Variants in ATP6V0E1 observed in about 807,000 individuals in gnomAD.
ATP6V0E1 encodes ATPase H+ transporting V0 subunit e1.
A neutral mutation model predicts 11.6 loss-of-function variants in ATP6V0E1; 4 were observed. The observed-to-expected ratio is 0.35, with a 90% CI of 0.17 to 0.79. ATP6V0E1 has a LOEUF of 0.79. Among genes scored for constraint, ATP6V0E1 ranks in the 30% least tolerant of loss-of-function variants. The pLI is 0.54. For synonymous variants in ATP6V0E1, 36 were observed against 34.8 expected, an observed-to-expected ratio of 1.04 and a Z score of -0.13; for missense variants, 105 against 100.0, an observed-to-expected ratio of 1.05 and a Z score of -0.21.
intron 2 of ATP6V0E1, among the ~76,000 whole-genome samples, chr5:173,019,306 A>C (rs1756446170): frequency 6.6e-6 from 1 of 152,150 alleles, no homozygotes; most frequent in African/African-American, 2.4e-5. Flanking sequence ...CTGTAATCCC[A>C]GCACTTTGGG....
chr5:173,030,558 A>G (rs970721420), intron 3 of ATP6V0E1, among the ~76,000 whole-genome samples: 2 of 150,984 alleles, frequency 1.3e-5, no homozygotes, highest in African/African-American at 4.9e-5. Flanking sequence ...CTCGTGCCTC[A>G]GCCTCCCGAG....
chr5:172,992,616 A>G (rs1756000972), intron 1 of ATP6V0E1, among the ~76,000 whole-genome samples: 1 of 151,986 alleles, frequency 6.6e-6, no homozygotes, highest in Admixed American at 6.6e-5. Flanking sequence ...CTAAAATTGC[A>G]ACCACAATCT....
chr5:173,012,133 G>C (rs1035803062), intron 2 of ATP6V0E1, among the ~76,000 whole-genome samples: 1 of 151,040 alleles, frequency 6.6e-6, no homozygotes, highest in Non-Finnish European at 1.5e-5. Flanking sequence ...CCAGGTTCAA[G>C]TGATTCTCCT....
At chr5:172,989,884 GA>G (rs1460770122) in intron 1 of ATP6V0E1, among the ~76,000 whole-genome samples, 1 of 152,084 alleles carries the variant, frequency 6.6e-6, no homozygotes, top group Non-Finnish European at 1.5e-5. Context: ...GCCCAGGCTG[GA>G]GTGCAGTGGC....
chr5:172,987,821 C>T (rs1364285891), intron 1 of ATP6V0E1, among the ~76,000 whole-genome samples: 2 of 152,018 alleles, frequency 1.3e-5, no homozygotes, highest in Admixed American at 6.6e-5. Context: ...TCAAGGGATC[C>T]GTCCACCTCA....
chr5:173,033,845 G>GA (rs1222958925), intron 3 of ATP6V0E1, among the ~76,000 whole-genome samples: 13 of 151,536 alleles, frequency 8.6e-5, no homozygotes, highest in East Asian at 3.9e-4. Context: ...CCCTGTGTCC[G>GA]AAAAAAACAA....
intron 2 of ATP6V0E1, among the ~76,000 whole-genome samples, chr5:172,996,777 T>C (rs73803693): frequency 0.04 from 6,086 of 152,150 alleles, 392 homozygotes; most frequent in African/African-American, 0.14. Context: ...ACAGAAGACA[T>C]ACAAGGTGAT....
At chr5:172,988,500 G>A (rs1434758734) in intron 1 of ATP6V0E1, among the ~76,000 whole-genome samples, 1 of 151,760 alleles carries the variant, frequency 6.6e-6, no homozygotes, top group African/African-American at 2.4e-5. Flanking sequence ...GGAAATACTA[G>A]TGCACAATTT....
intron 1 of ATP6V0E1, among the ~76,000 whole-genome samples, chr5:172,991,052 C>T (rs1376646470): frequency 6.6e-6 from 1 of 152,034 alleles, no homozygotes; most frequent in African/African-American, 2.4e-5. Flanking sequence ...ATCCTGGGCT[C>T]TAGTGATCCT....
intron 2 of ATP6V0E1, among the ~76,000 whole-genome samples, chr5:173,007,432 C>T (rs1310141768): frequency 1.3e-5 from 2 of 152,188 alleles, no homozygotes; most frequent in Non-Finnish European, 2.9e-5. Context: ...TCATTCCTGG[C>T]CATATGGCCC....
intron 2 of ATP6V0E1, among the ~76,000 whole-genome samples, chr5:172,998,343 A>G (rs1460470433): frequency 6.6e-6 from 1 of 152,026 alleles, no homozygotes; most frequent in Non-Finnish European, 1.5e-5. Context: ...GTGGTGGCTC[A>G]CGCCTGTAAT....
chr5:173,009,798 C>G (rs1203651873), intron 2 of ATP6V0E1, among the ~76,000 whole-genome samples: 2 of 128,496 alleles, frequency 1.6e-5, no homozygotes, highest in Admixed American at 8.4e-5. Context: ...GAGTCTTGCT[C>G]TGTTGCCCAG....
intron 2 of ATP6V0E1, 89 bp downstream of exon 2, chr5:172,994,911 A>G (rs1756036793): frequency 2.0e-6 from 2 of 990,498 alleles, no homozygotes; most frequent in Non-Finnish European, 3.0e-6. Context: ...TCCCTCATGT[A>G]ATATCTAGAA....
intron 1 of ATP6V0E1, among the ~76,000 whole-genome samples, chr5:172,984,531 A>G (rs1236166969): frequency 3.9e-5 from 6 of 152,178 alleles, no homozygotes; most frequent in Non-Finnish European, 5.9e-5. Context: ...GGTATTGTTG[A>G]GAAACCCCTG....
At chr5:172,993,020 G>A (rs1490493276) in intron 1 of ATP6V0E1, among the ~76,000 whole-genome samples, 2 of 151,694 alleles carry the variant, frequency 1.3e-5, no homozygotes, top group East Asian at 3.9e-4. Flanking sequence ...GGCTGGTCTC[G>A]AACTCCTGAC....
intron 2 of ATP6V0E1, among the ~76,000 whole-genome samples, chr5:173,001,614 G>A (rs1034149619): frequency 6.6e-6 from 1 of 152,090 alleles, no homozygotes; most frequent in African/African-American, 2.4e-5. Context: ...AACCACACGT[G>A]GTGGCTCACG....
chr5:173,012,165 GCTA>G (rs1018983491), intron 2 of ATP6V0E1, among the ~76,000 whole-genome samples: 7 of 151,718 alleles, frequency 4.6e-5, no homozygotes, highest in Admixed American at 1.3e-4. Context: ...CCGAGTAGCT[GCTA>G]CTACATCCAT....
intron 2 of ATP6V0E1, among the ~76,000 whole-genome samples, chr5:173,008,399 C>T (rs1425450514): frequency 6.7e-6 from 1 of 148,862 alleles, no homozygotes; most frequent in African/African-American, 2.5e-5. Flanking sequence ...CTCCTGGGTT[C>T]AAGCAAGTCT....
In ATP6V0E1 at chr5:173,024,261, A is replaced by G. The variant is rs141463410; in HGVS notation, c.*36+3894A>G. ...CAAAAATACGGGAAAAGCAGAATAC[A>G]GGTTTAATTCTTTTAATTTTCATAG... On this transcript the variant is annotated intron_variant, in intron 3 of 3. Coordinates refer to ENST00000519374, the MANE Select transcript of ATP6V0E1 (RefSeq NM_003945.4). 2.6e-5 allele frequency among the ~76,000 whole-genome samples: 4 copies of G among 151,892 alleles called. No individual in the cohort carries two copies. In the East Asian group the frequency reaches 7.7e-4, roughly 29 times the overall value.
Sources: gnomAD v4.1 joint callset for allele counts (sites outside exome capture counted in the v4.1 genomes callset) on GRCh38, gnomAD v4.1.1 for gene constraint, MANE v1.5 for transcripts, NCBI Gene and HGNC (gene_info 2026-07-23, HGNC 2026-07-21) for gene names.